AP1B1: variants seen among roughly 807,000 people sequenced by gnomAD.
AP1B1 encodes adaptor related protein complex 1 subunit beta 1.
AP1B1 carries 36 observed loss-of-function variants against 104.3 expected under a neutral mutation model. The observed-to-expected ratio is 0.35, with a 90% CI of 0.26 to 0.46. The LOEUF (loss-of-function observed/expected upper bound fraction) is 0.46, where lower values mean the gene tolerates loss of function less well. AP1B1 is among the 20% of genes least tolerant of loss of function. The pLI is 1.00. For missense variants in AP1B1, 901 were observed against 1,247.9 expected (o/e 0.72, Z 4.19); for synonymous variants, 504 against 517.5 (o/e 0.97, Z 0.35).
At chr22:29,347,141 C>T (rs893423037) in intron 11 of AP1B1, among the ~76,000 whole-genome samples, 1 of 152,180 alleles carries the variant, frequency 6.6e-6, no homozygotes, top group African/African-American at 2.4e-5. Context: ...GGAGCCTATC[C>T]ATGGCAGAAG....
intron 16 of AP1B1, 152 bp downstream of exon 16, chr22:29,338,838 A>T (rs866066594): frequency 8.8e-7 from 1 of 1,142,702 alleles, no homozygotes; most frequent in Non-Finnish European, 1.2e-6. Context: ...AGCTTGACTT[A>T]GCTCCTCTTC....
intron 1 of AP1B1, among the ~76,000 whole-genome samples, chr22:29,383,507 G>A (rs150674399): frequency 1.3e-5 from 2 of 152,010 alleles, no homozygotes; most frequent in Non-Finnish European, 2.9e-5. Context: ...TCAGGAGATC[G>A]AGACCATCCT....
At chr22:29,353,356 G>A (rs2061906432) in intron 7 of AP1B1, among the ~76,000 whole-genome samples, 1 of 152,174 alleles carries the variant, frequency 6.6e-6, no homozygotes, top group African/African-American at 2.4e-5. Context: ...ATATTTCTGC[G>A]ATTAGGACTT....
rs1260157997 is a variant in AP1B1, at chr22:29,356,561, C to T, written c.581G>A (p.Ser194Asn). 1.2e-6 allele frequency: 2 copies of T among 1,614,182 alleles called. No individual in the cohort carries two copies. Among genetic ancestry groups the T allele is most frequent in the East Asian group, 2.2e-5 (1 of 44,884 alleles). ...LSEIAESHPS[S>N]NLLDLNPQSI... ...CTGTGGGTTCAGATCGAGCAGGTTG[C>T]TGCTGGGGTGAGACTCGGCAATTTC... Residue 194 changes from serine to asparagine, a missense_variant, in exon 6 of 23, where the codon AGC (serine) becomes AAC (asparagine). Physicochemically the swap from Ser to Asn is conservative, Grantham distance 46. This residue lies in a region of AP1B1 where 471 missense variants were observed against 696.7 expected (regional missense o/e 0.68). Coordinates refer to ENST00000357586, the MANE Select transcript of AP1B1 (RefSeq NM_001127.4).
intron 18 of AP1B1, 40 bp downstream of exon 18, chr22:29,331,747 G>A (rs367968927): frequency 2.2e-5 from 36 of 1,613,966 alleles, no homozygotes; most frequent in South Asian, 1.3e-4. Flanking sequence ...CGGCTGGTAG[G>A]TGAGTAAGGA....
Position 29,358,807 on chromosome 22 carries a change from G to T in AP1B1, c.444C>A (p.Leu148=). The T allele has an allele frequency of 6.2e-7, 1 of 1,614,212 alleles. No individual in the cohort carries two copies. The highest frequency in any genetic ancestry group is 8.5e-7 in the Non-Finnish European group (1 of 1,180,036). ...RKTAAVCVAK[L]HDINAQLVED... is the part of the protein sequence containing the mutation. ...CCACCAGCTGGGCGTTGATGTCGTG[G>T]AGCTTGGCCACGCACACAGCTGCTG... Residue 148 remains leucine (L), a synonymous_variant, in exon 5 of 23, where the codon CTC becomes CTA. Coordinates refer to ENST00000357586, the MANE Select transcript of AP1B1 (RefSeq NM_001127.4).
chr22:29,335,327 C>G (rs373730307), intron 16 of AP1B1, among the ~76,000 whole-genome samples: 1 of 152,164 alleles, frequency 6.6e-6, no homozygotes, highest in Admixed American at 6.5e-5. Context: ...CGACAGCTTC[C>G]GCAGCGCACT....
At chr22:29,374,537 A>T (rs1026190555) in intron 1 of AP1B1, among the ~76,000 whole-genome samples, 1 of 147,936 alleles carries the variant, frequency 6.8e-6, no homozygotes, top group Non-Finnish European at 1.5e-5. Context: ...GTTCAAGCTT[A>T]TTTCTAAGAG....
intron 3 of AP1B1, among the ~76,000 whole-genome samples, chr22:29,362,526 T>C (rs1298611081): frequency 6.6e-6 from 1 of 152,046 alleles, no homozygotes; most frequent in Non-Finnish European, 1.5e-5. Context: ...TTTGTATTTT[T>C]AGTAGAGACA....
At chr22:29,329,073 G>C (rs2061518267) in intron 22 of AP1B1, 178 bp from the exon 23 acceptor site, 1 of 1,417,818 alleles carries the variant, frequency 7.1e-7, no homozygotes, top group East Asian at 2.6e-5. Flanking sequence ...GTCGCAGCCA[G>C]CCGGGTGTGG....
intron 2 of AP1B1, among the ~76,000 whole-genome samples, chr22:29,366,228 C>T (rs1387384141): frequency 6.6e-6 from 1 of 152,160 alleles, no homozygotes; most frequent in Admixed American, 6.5e-5. Flanking sequence ...TGATATAAGC[C>T]TAGCTTAGCA....
At position 29,341,566 on chromosome 22, in the gene AP1B1, A is replaced by G. The variant is rs2061715362; in HGVS notation, c.1731T>C (p.Pro577=). Residue 577 remains proline, a synonymous_variant, in exon 13 of 23, where the codon CCT becomes CCC. Transcript: ENST00000357586. ...IGTLASVYHK[P]PSAFVEGGRG... ...GGCCCCCCTCCACAAAGGCACTGGGAGGCTTATGGTAGACGGAAGCCAGCG... is the reference window on the plus strand; with the variant it reads ...GGCCCCCCTCCACAAAGGCACTGGGGGGCTTATGGTAGACGGAAGCCAGCG... The G allele has an allele frequency of 2.5e-6, 4 of 1,614,030 alleles. No homozygotes were observed. The highest frequency in any genetic ancestry group is 3.4e-6 in the Non-Finnish European group (4 of 1,180,028).
At chr22:29,367,478 T>C (rs1286207330) in intron 1 of AP1B1, among the ~76,000 whole-genome samples, 157 of 151,012 alleles carry the variant, frequency 1.0e-3, no homozygotes, top group East Asian at 7.2e-3. Context: ...TTTTTTTTTT[T>C]CTTCAGAGAT....
chr22:29,363,404 C>T (rs146541795), intron 2 of AP1B1, among the ~76,000 whole-genome samples: 8 of 152,316 alleles, frequency 5.3e-5, no homozygotes, highest in East Asian at 3.9e-4. Flanking sequence ...AATCCCAGCA[C>T]TTTGGGAGTC....
In AP1B1 at chr22:29,331,892, G is replaced by T. The variant is rs138608403; in HGVS notation, c.2334C>A (p.Pro778=). 2.0e-5 allele frequency: 32 copies of T among 1,611,852 alleles called. No homozygotes were observed. Among genetic ancestry groups the T allele is most frequent in the East Asian group, 4.5e-5 (2 of 44,788 alleles). Residue 778 remains proline (P), a synonymous_variant, in exon 18 of 23, where the codon CCC becomes CCA. Transcript: ENST00000357586. ...RNSFGLAPAA[P]LQVHAPLSPN... is the part of the protein sequence containing the mutation. Reference sequence around the variant, plus strand: ...GGCTGAGTGGCGCGTGGACCTGGAGGGGGGCGGCGGGGGCCAGGCCAAAGC... The same window carrying T: ...GGCTGAGTGGCGCGTGGACCTGGAGTGGGGCGGCGGGGGCCAGGCCAAAGC...
chr22:29,348,712 G>A (rs886930958), intron 11 of AP1B1, among the ~76,000 whole-genome samples: 1 of 152,206 alleles, frequency 6.6e-6, no homozygotes, highest in Admixed American at 6.5e-5. Flanking sequence ...TGGAACAGAA[G>A]CACCATGAAA....
At chr22:29,338,276 T>C (rs1028040906) in intron 16 of AP1B1, among the ~76,000 whole-genome samples, 1 of 152,242 alleles carries the variant, frequency 6.6e-6, no homozygotes, top group East Asian at 1.9e-4. Flanking sequence ...CTGTTCTTTA[T>C]CTTACTCCAA....
chr22:29,349,107 T>A lies in AP1B1; in HGVS notation c.1437+111A>T, dbSNP rs975625031. The A allele has an allele frequency of 1.1e-4, 142 of 1,291,936 alleles. No homozygotes were observed. The Admixed American group carries it at 2.5e-3, about 23-fold the overall frequency. 80.0% of individuals were successfully genotyped at this position (1,291,936 alleles called of 1,614,324 possible). On this transcript the variant is annotated intron_variant, in intron 11 of 22. Transcript: ENST00000357586. ...ATTACGCGCACATCACTCATCTGTC[T>A]GTCAGGGCTGTTTACGAGGTAATAG...
rs202112643 is a variant in AP1B1 at position 29,340,767 on chromosome 22, C to T, written c.1887G>A (p.Leu629=). The T allele has an allele frequency of 3.8e-6, 6 of 1,599,290 alleles. No individual in the cohort carries two copies. The highest frequency in any genetic ancestry group is 5.1e-6 in the Non-Finnish European group (6 of 1,174,190). Residue 629 remains leucine, a synonymous_variant, in exon 14 of 23, where the codon CTG becomes CTA. Coordinates refer to ENST00000357586, the MANE Select transcript of AP1B1 (RefSeq NM_001127.4). The part of the protein sequence containing the change: ...PDVIPAQGDL[L]GDLLNLDLGP... ...CGAGGTCCAGGTTGAGGAGGTCACC[C>T]AGCAGGTCGCCCTGGGCGGGGATGA...
Sources: allele counts gnomAD v4.1 joint callset (sites outside exome capture counted in the v4.1 genomes callset), GRCh38; gene constraint gnomAD v4.1.1; regional missense constraint gnomAD v4.1.1; transcripts MANE v1.5; gene names NCBI Gene and HGNC (gene_info 2026-07-23, HGNC 2026-07-21).